The following PCDH15 variants were observed in gnomAD, a reference collection of about 807,000 sequenced individuals.
PCDH15 encodes protocadherin related 15, also known as protocadherin-15.
In PCDH15, 129 loss-of-function variants were observed where a neutral mutation model predicts 178.5. The ratio of observed to expected loss-of-function variants is 0.72; its 90% CI spans 0.63 to 0.84. The LOEUF is 0.84. PCDH15 is among the 40% of genes least tolerant of loss of function. The pLI is 0.00. For synonymous variants in PCDH15, 800 were observed against 732.0 expected, an observed-to-expected ratio of 1.09 and a Z score of -1.50; for missense variants, 2,230 against 2,099.9, an observed-to-expected ratio of 1.06 and a Z score of -1.21.
chr10:55,287,059 GAC>G, intron 1 of PCDH15, among the ~76,000 whole-genome samples: 1 of 151,644 alleles, frequency 6.6e-6, no homozygotes, highest in Non-Finnish European at 1.5e-5. Context: ...CATTAATACA[GAC>G]ACACAGTGCT....
intron 3 of PCDH15, among the ~76,000 whole-genome samples, chr10:54,422,815 C>G (rs572673746): frequency 6.6e-6 from 1 of 152,258 alleles, no homozygotes; most frequent in South Asian, 2.1e-4. Context: ...GTTAGGGCAG[C>G]AGAGAACTCC....
At chr10:53,966,244 G>A (rs2089002676) in intron 21 of PCDH15, among the ~76,000 whole-genome samples, 3 of 152,110 alleles carry the variant, frequency 2.0e-5, no homozygotes, top group Non-Finnish European at 4.4e-5. Context: ...TAGCCTGCAA[G>A]AAACATTTTG....
At chr10:54,531,958 T>G (rs1214528778) in intron 2 of PCDH15, among the ~76,000 whole-genome samples, 2 of 152,162 alleles carry the variant, frequency 1.3e-5, no homozygotes, top group Non-Finnish European at 2.9e-5. Context: ...GAAGTCACAT[T>G]TCATTTTACC....
At chr10:55,258,286 G>A (rs1842056207) in intron 1 of PCDH15, among the ~76,000 whole-genome samples, 1 of 152,138 alleles carries the variant, frequency 6.6e-6, no homozygotes, top group Admixed American at 6.5e-5. Context: ...GAATGACCCA[G>A]GCATGAGCTT....
At chr10:55,407,300 A>C (rs1838222546) in intron 2 of PCDH15, among the ~76,000 whole-genome samples, 1 of 152,282 alleles carries the variant, frequency 6.6e-6, no homozygotes, top group South Asian at 2.1e-4. Flanking sequence ...ATGATGTACA[A>C]GAAAAAGAGT....
chr10:54,142,658 T>C (rs2043520091), intron 14 of PCDH15, among the ~76,000 whole-genome samples: 1 of 152,198 alleles, frequency 6.6e-6, no homozygotes, highest in Non-Finnish European at 1.5e-5. Flanking sequence ...TAAAAGGCTA[T>C]AAGAACTTTG....
intron 14 of PCDH15, among the ~76,000 whole-genome samples, chr10:54,144,447 G>A (rs2043707981): frequency 1.3e-5 from 2 of 152,164 alleles, no homozygotes; most frequent in Non-Finnish European, 2.9e-5. Flanking sequence ...AAACGCACCA[G>A]ATCACCATAT....
intron 3 of PCDH15, among the ~76,000 whole-genome samples, chr10:54,396,386 A>G (rs1036675711): frequency 1.3e-5 from 2 of 152,140 alleles, no homozygotes; most frequent in Non-Finnish European, 2.9e-5. Flanking sequence ...TCTTCCATGT[A>G]TATATGAAAT....
rs578027776 is a variant in PCDH15, at chr10:55,392,698, G to C, written c.-155-226047C>G. 7.2e-5 allele frequency among the ~76,000 whole-genome samples: 11 copies of C among 152,072 alleles called. 1 individual carries two copies. The South Asian group carries it at 2.3e-3, about 32-fold the overall frequency. ...AGGTAAATAAATATTTTTGGTTGCTGATATAAAATATATTGTATTTAAAAG... is the reference window on the plus strand; with the variant it reads ...AGGTAAATAAATATTTTTGGTTGCTCATATAAAATATATTGTATTTAAAAG... On this transcript the variant is annotated intron_variant, in intron 2 of 5. Transcript: ENST00000613346.
intron 9 of PCDH15, among the ~76,000 whole-genome samples, chr10:54,223,713 T>A (rs1156530817): frequency 6.6e-6 from 1 of 151,774 alleles, no homozygotes; most frequent in Non-Finnish European, 1.5e-5. Context: ...TTTCAATAAT[T>A]TTTATTTAGA....
chr10:54,234,513 G>A lies in PCDH15; in HGVS notation c.985+2310C>T, dbSNP rs914485432. 8.6e-5 allele frequency among the ~76,000 whole-genome samples: 13 copies of A among 152,026 alleles called. No individual in the cohort carries two copies. The East Asian group carries it at 1.2e-3, about 14-fold the overall frequency. On this transcript the variant is annotated intron_variant, in intron 9 of 37. Coordinates refer to ENST00000644397, the MANE Select transcript of PCDH15 (RefSeq NM_001384140.1). ...AGCTTCAATGAGCTATGATTGTGCC[G>A]CTGCACTCCAGTGCGGGTGACAGAG...
intron 3 of PCDH15, among the ~76,000 whole-genome samples, chr10:54,843,511 G>A (rs1021705743): frequency 1.3e-4 from 20 of 151,836 alleles, no homozygotes; most frequent in South Asian, 4.1e-4. Context: ...CTGACTTAAC[G>A]TTATTTTTAT....
chr10:55,098,174 C>A (rs1234549026), intron 2 of PCDH15, among the ~76,000 whole-genome samples: 3 of 152,068 alleles, frequency 2.0e-5, no homozygotes. Flanking sequence ...ATTTAAATCT[C>A]ACAAAAACCT....
intron 37 of PCDH15, chr10:53,809,404 A>G: frequency 2.5e-6 from 4 of 1,614,012 alleles, no homozygotes; most frequent in Non-Finnish European, 3.4e-6. Flanking sequence ...TTTCTTAAAA[A>G]TCATGGGGAA....
intron 1 of PCDH15, among the ~76,000 whole-genome samples, chr10:55,259,179 A>C (rs1423819659): frequency 6.6e-6 from 1 of 152,178 alleles, no homozygotes; most frequent in African/African-American, 2.4e-5. Flanking sequence ...TATCAGTAAC[A>C]ATGTCAACTA....
intron 1 of PCDH15, among the ~76,000 whole-genome samples, chr10:55,309,774 TC>T (rs1009823922): frequency 6.6e-6 from 1 of 152,214 alleles, no homozygotes; most frequent in Non-Finnish European, 1.5e-5. Flanking sequence ...TGTAAAGTGT[TC>T]TTTAAAAAGA....
intron 2 of PCDH15, among the ~76,000 whole-genome samples, chr10:55,067,261 A>G (rs953887346): frequency 2.0e-5 from 3 of 152,022 alleles, no homozygotes; most frequent in African/African-American, 7.2e-5. Flanking sequence ...AGGCTGTAGT[A>G]TCTAACATTC....
At chr10:55,562,322 G>A (rs1213178915) in intron 2 of PCDH15, among the ~76,000 whole-genome samples, 2 of 151,848 alleles carry the variant, frequency 1.3e-5, no homozygotes, top group African/African-American at 2.4e-5. Flanking sequence ...GTTATTATAA[G>A]GATGAATTCA....
At chr10:54,913,480 G>T (rs1954852497) in intron 2 of PCDH15, among the ~76,000 whole-genome samples, 1 of 152,218 alleles carries the variant, frequency 6.6e-6, no homozygotes, top group South Asian at 2.1e-4. Flanking sequence ...GAAGAATGTG[G>T]AAGGGGCAGA....
Sources: gnomAD v4.1 joint callset for allele counts (sites outside exome capture counted in the v4.1 genomes callset) on GRCh38, gnomAD v4.1.1 for gene constraint, MANE v1.5 for transcripts, NCBI Gene and HGNC (gene_info 2026-07-23, HGNC 2026-07-21) for gene names.